DPP9: variants seen among roughly 807,000 people sequenced by gnomAD.
DPP9 encodes the protein dipeptidyl peptidase IV-related protein-2.
DPP9 carries 50 observed loss-of-function variants against 110.7 expected under a neutral mutation model. That is an observed-to-expected ratio of 0.45 (90% CI 0.36 to 0.57). The LOEUF is 0.57. Among genes scored for constraint, DPP9 ranks in the 20% least tolerant of loss-of-function variants. DPP9 has a pLI of 0.00. For missense variants in DPP9, 1,022 were observed against 1,217.9 expected (o/e 0.84, Z 2.39); for synonymous variants, 561 against 514.4 (o/e 1.09, Z -1.23).
In DPP9 at chr19:4,679,876, C is replaced by G. The variant is rs371363097; in HGVS notation, c.2545G>C (p.Val849Leu). 1.4e-5 allele frequency: 22 copies of G among 1,613,344 alleles called. No homozygotes were observed. In the African/African-American group the frequency reaches 2.4e-4, roughly 18 times the overall value. Residue 849 changes from valine to leucine, a missense_variant, in exon 21 of 22, where the codon GTC becomes CTC. Val to Leu is a conservative substitution (Grantham distance 32). Transcript: ENST00000262960. ...TTCCCTGCTCGGATCAGTTGGGAGA[C>G]GAGGAAGTTTGTGTGGAAAAAGTGC... The part of the protein sequence containing the change: ...NVHFFHTNFL[V>L]SQLIRAGKPY...
At chr19:4,712,449 C>G (rs2092879880) in intron 4 of DPP9, among the ~76,000 whole-genome samples, 1 of 152,046 alleles carries the variant, frequency 6.6e-6, no homozygotes, top group Admixed American at 6.5e-5. Flanking sequence ...ACCTGGAGGG[C>G]TGAGGTTGGG....
Position 4,684,576 on chromosome 19 carries a change from G to A in DPP9, c.2178+87C>T, listed in dbSNP as rs1053520139. On this transcript the variant is annotated intron_variant, in intron 18 of 21. Coordinates refer to ENST00000262960, the MANE Select transcript of DPP9 (RefSeq NM_139159.5). The surrounding 1 kb of genome is among the most constrained non-coding windows in gnomAD (Gnocchi z 4.8). ...GTGCCCTTCTGCGGGTGGTATTCCA[G>A]AGCCGCTCCCATGCCCTGCACCCAC... 2.2e-5 allele frequency: 33 copies of A among 1,512,484 alleles called. No homozygotes were observed. Among genetic ancestry groups the A allele is most frequent in the Non-Finnish European group, 2.8e-5 (31 of 1,117,150 alleles). 93.7% of individuals were successfully genotyped at this position (1,512,484 alleles called of 1,614,324 possible).
chr19:4,704,301 T>C lies in DPP9; in HGVS notation c.430A>G (p.Thr144Ala), dbSNP rs1026161257. The C allele has an allele frequency of 5.5e-5, 88 of 1,611,820 alleles. No individual in the cohort carries two copies. The highest frequency in any genetic ancestry group is 7.0e-5 in the Non-Finnish European group (83 of 1,179,682). Residue 144 changes from threonine (T) to alanine (A), a missense_variant, in exon 6 of 22, where the codon ACG (threonine) becomes GCG (alanine). Physicochemically the swap from Thr to Ala is moderately conservative, Grantham distance 58. Transcript: ENST00000262960. This position sits in a 1 kb window ranked among gnomAD's most constrained non-coding sequence, Gnocchi z 6.0. Reference sequence around the variant, plus strand: ...CGAGAGTAGACCCCATGGTGGGGCGTGGCCTGGAAACATACAGGGGACAGG... The same window carrying C: ...CGAGAGTAGACCCCATGGTGGGGCGCGGCCTGGAAACATACAGGGGACAGG... Reference protein sequence around the residue: ...WKQMLDHFQATPHHGVYSREE... With the variant: ...WKQMLDHFQAAPHHGVYSREE...
rs890388461 is a variant in DPP9 at position 4,695,811 on chromosome 19, C to T, written c.1176-256G>A. On this transcript the variant is annotated intron_variant, in intron 11 of 21. Coordinates refer to ENST00000262960, the MANE Select transcript of DPP9 (RefSeq NM_139159.5). This position sits in a 1 kb window ranked among gnomAD's most constrained non-coding sequence, Gnocchi z 4.7. ...GGAAACAATGGCCTAAGTCTCACAGCGGCAAGCTCTAATAGTTTCTCCTCT... is the reference window on the plus strand; with the variant it reads ...GGAAACAATGGCCTAAGTCTCACAGTGGCAAGCTCTAATAGTTTCTCCTCT... Among the ~76,000 whole-genome samples the T allele has an allele frequency of 4.7e-5, 7 of 147,428 alleles. No homozygotes were observed. The highest frequency in any genetic ancestry group is 2.1e-4 in the South Asian group (1 of 4,828).
intron 1 of DPP9, among the ~76,000 whole-genome samples, chr19:4,723,022 G>T (rs916075884): frequency 6.6e-6 from 1 of 152,210 alleles, no homozygotes; most frequent in African/African-American, 2.4e-5. Flanking sequence ...GGGAGGCTGA[G>T]AGAAGGGGGC....
chr19:4,680,235 CAAAAAAAA>C (rs71168922), intron 20 of DPP9, among the ~76,000 whole-genome samples: 4 of 70,872 alleles, frequency 5.6e-5, no homozygotes, highest in African/African-American at 2.0e-4. Context: ...GACAGCATCT[CAAAAAAAA>C]AAAAAAAAAA....
chr19:4,706,166 T>C (rs547605058), intron 4 of DPP9, among the ~76,000 whole-genome samples, 196 bp from the exon 5 acceptor site: 41 of 151,958 alleles, frequency 2.7e-4, no homozygotes, highest in African/African-American at 8.2e-4. Flanking sequence ...ACCTGAGATA[T>C]TTCTGCTGAA....
intron 8 of DPP9, 94 bp downstream of exon 8, chr19:4,702,509 G>T: frequency 1.1e-6 from 1 of 930,316 alleles, no homozygotes. Context: ...GAGGTGGTTT[G>T]AGGTGAAAGG....
chr19:4,680,076 A>C, intron 20 of DPP9, 130 bp from the exon 21 acceptor site: 2 of 627,030 alleles, frequency 3.2e-6, no homozygotes, highest in Non-Finnish European at 5.6e-6. Context: ...CTAAAAATAT[A>C]TTTAAAAAAA....
Position 4,723,753 on chromosome 19 carries a change from A to G in DPP9, c.-168T>C, listed in dbSNP as rs1251208131. ...TCACGGTCGCGGCTCCATGCCCGGGACTGCGACCCCGGAAGTGGCGGGAGC... is the reference window on the plus strand; with the variant it reads ...TCACGGTCGCGGCTCCATGCCCGGGGCTGCGACCCCGGAAGTGGCGGGAGC... On this transcript the variant is annotated 5_prime_UTR_variant, in exon 1 of 22. Transcript: ENST00000262960. 6.5e-6 allele frequency: 1 copy of G among 154,132 alleles called. No individual in the cohort carries two copies. The highest frequency in any genetic ancestry group is 2.4e-5 in the African/African-American group (1 of 41,424). 9.5% of individuals were successfully genotyped at this position (154,132 alleles called of 1,614,324 possible). A position where few individuals can be genotyped will look rare whatever the true frequency, so the allele number is the denominator to read the frequency against.
At position 4,695,455 on chromosome 19, in the gene DPP9, G is replaced by T. The variant is rs557501892; in HGVS notation, c.1276C>A (p.Leu426Ile). The change falls in exon 12 of 22, where the codon CTA (leucine) becomes ATA (isoleucine). Residue 426 changes from leucine (L) to isoleucine (I), a missense_variant. By Grantham distance (5) the Leu-to-Ile change is conservative. Transcript: ENST00000262960. The surrounding 1 kb of genome is among the most constrained non-coding windows in gnomAD (Gnocchi z 4.7). The part of the protein sequence containing the change: ...IPSTENEEQR[L>I]ASARAVPRNV... Reference sequence around the variant, plus strand: ...CTGGGGACAGCTCTGGCAGAGGCTAGCCGCTGCTCCTCATTCTCTGTGCTC... The same window carrying T: ...CTGGGGACAGCTCTGGCAGAGGCTATCCGCTGCTCCTCATTCTCTGTGCTC... The T allele has an allele frequency of 6.3e-7, 1 of 1,589,778 alleles. No homozygotes were observed. The highest frequency in any genetic ancestry group is 8.6e-7 in the Non-Finnish European group (1 of 1,168,886).
Position 4,705,788 on chromosome 19 carries a change from A to T in DPP9, c.426+70T>A, listed in dbSNP as rs1005053774. On this transcript the variant is annotated intron_variant, in intron 5 of 21. Coordinates refer to ENST00000262960, the MANE Select transcript of DPP9 (RefSeq NM_139159.5). ...GGCAGAGAGGTGACCGAAGGCATGT[A>T]TGGCCTGTGGGGCTGGCCTTTGCCA... The T allele has an allele frequency of 2.0e-6, 3 of 1,465,512 alleles. No individual in the cohort carries two copies. In the African/African-American group the frequency reaches 4.2e-5, roughly 20 times the overall value. The allele number at this position is 1,465,512 out of a possible 1,614,324, so 90.8% of individuals were successfully genotyped here. A position where few individuals can be genotyped will look rare whatever the true frequency, so the allele number is the denominator to read the frequency against.
rs923205975 is a variant in DPP9 at position 4,689,952 on chromosome 19, C to T, written c.1597-230G>A. On this transcript the variant is annotated intron_variant, in intron 14 of 21. Coordinates refer to ENST00000262960, the MANE Select transcript of DPP9 (RefSeq NM_139159.5). This position sits in a 1 kb window ranked among gnomAD's most constrained non-coding sequence, Gnocchi z 7.0. ...GAGCTGGGAACTGCGTGTCCTCAGGCGGGACCTGGGGCCTGCATTCCACCC... is the reference window on the plus strand; with the variant it reads ...GAGCTGGGAACTGCGTGTCCTCAGGTGGGACCTGGGGCCTGCATTCCACCC... 3.2e-4 allele frequency among the ~76,000 whole-genome samples: 48 copies of T among 152,330 alleles called. No homozygotes were observed. Among genetic ancestry groups the T allele is most frequent in the African/African-American group, 1.1e-3 (46 of 41,584 alleles).
intron 2 of DPP9, 81 bp downstream of exon 2, chr19:4,722,418 G>T: frequency 1.5e-6 from 1 of 678,868 alleles, no homozygotes. Flanking sequence ...TCCTGCCCAT[G>T]TCTATATTCT....
chr19:4,691,802 C>G (rs1049969632), intron 13 of DPP9, among the ~76,000 whole-genome samples: 1 of 150,608 alleles, frequency 6.6e-6, no homozygotes, highest in African/African-American at 2.4e-5. Flanking sequence ...CTCAGCCTCC[C>G]GAGTAACTGG....
At chr19:4,705,669 C>T (rs1450604779) in intron 5 of DPP9, among the ~76,000 whole-genome samples, 189 bp downstream of exon 5, 1 of 152,258 alleles carries the variant, frequency 6.6e-6, no homozygotes, top group African/African-American at 2.4e-5. Flanking sequence ...AAGAGTTTCT[C>T]TGTCGCTTGA....
At chr19:4,678,781 A>G (rs1035032533) in intron 21 of DPP9, among the ~76,000 whole-genome samples, 2 of 152,036 alleles carry the variant, frequency 1.3e-5, no homozygotes, top group African/African-American at 2.4e-5. Flanking sequence ...GGCGCCCAGG[A>G]AGCAGAAATT....
At position 4,682,745 on chromosome 19, in the gene DPP9, C is replaced by T. The variant is rs1021615821; in HGVS notation, c.2425G>A (p.Gly809Ser). The change falls in exon 20 of 22, where the codon GGC (glycine) becomes AGC (serine). Residue 809 changes from glycine to serine, a missense_variant. Transcript: ENST00000262960. This position sits in a 1 kb window ranked among gnomAD's most constrained non-coding sequence, Gnocchi z 7.1. ...AGGGCCACGGAACCCGCCTCATAGCCGTGCTGGTTGTTCTCAGGGACGTCC... is the reference window on the plus strand; with the variant it reads ...AGGGCCACGGAACCCGCCTCATAGCTGTGCTGGTTGTTCTCAGGGACGTCC... Reference protein sequence around the residue: ...YMDVPENNQHGYEAGSVALHV... With the variant: ...YMDVPENNQHSYEAGSVALHV... The T allele has an allele frequency of 1.4e-5, 23 of 1,608,370 alleles. No homozygotes were observed. The highest frequency in any genetic ancestry group is 2.0e-5 in the Non-Finnish European group (23 of 1,177,704).
chr19:4,714,447 T>G, intron 3 of DPP9, 110 bp from the exon 4 acceptor site: 1 of 1,374,580 alleles, frequency 7.3e-7, no homozygotes, highest in Non-Finnish European at 9.6e-7. Context: ...GCCCCACCCC[T>G]GCCGCTTTCC....
Sources: gnomAD v4.1 joint callset for allele counts (sites outside exome capture counted in the v4.1 genomes callset) on GRCh38, gnomAD v4.1.1 for gene constraint, Gnocchi (gnomAD v3.1) non-coding constraint, MANE v1.5 for transcripts, NCBI Gene and HGNC (gene_info 2026-07-23, HGNC 2026-07-21) for gene names.